The following ATG7 variants were observed in gnomAD, a reference collection of about 807,000 sequenced individuals.
The protein encoded by ATG7 is ubiquitin-like modifier-activating enzyme ATG7.
In ATG7, 70 loss-of-function variants were observed where a neutral mutation model predicts 82.4. The observed-to-expected ratio is 0.85, with a 90% CI of 0.70 to 1.04. The LOEUF (loss-of-function observed/expected upper bound fraction) is 1.04. Ranked by LOEUF, ATG7 falls within the 50% of genes least tolerant of loss-of-function variation. The pLI, the probability that ATG7 is intolerant of heterozygous loss-of-function variation, is 0.00. For missense variants in ATG7, 792 were observed against 864.3 expected, an observed-to-expected ratio of 0.92 and a Z score of 1.05; for synonymous variants, 287 against 313.0, an observed-to-expected ratio of 0.92 and a Z score of 0.88.
At chr3:11,379,429 C>T (rs1367965742) in intron 18 of ATG7, among the ~76,000 whole-genome samples, 1 of 152,118 alleles carries the variant, frequency 6.6e-6, no homozygotes, top group Non-Finnish European at 1.5e-5. Context: ...GCTGTTTCCC[C>T]ATAAATCTGA....
intron 20 of ATG7, among the ~76,000 whole-genome samples, chr3:11,506,942 G>C (rs950847177): frequency 6.6e-6 from 1 of 152,158 alleles, no homozygotes; most frequent in Non-Finnish European, 1.5e-5. Context: ...TCACTTTACA[G>C]AGTGACAAAG....
Position 11,298,995 on chromosome 3 carries a change from A to G in ATG7, c.160+140A>G, listed in dbSNP as rs977748647. ...TCACTAGTTTCTATTTTACTTCCTG[A>G]CTTTTTGATCCCAGTTCATTTTCAT... is the stretch of plus-strand genomic sequence containing the variant. On this transcript the variant is annotated intron_variant, in intron 4 of 20. Coordinates refer to ENST00000693202, the MANE Select transcript of ATG7 (RefSeq NM_001349232.2). 58 of 928,164 alleles carry G rather than the reference A, an allele frequency of 6.2e-5. No homozygotes were observed. The African/African-American group carries it at 8.4e-4, about 13-fold the overall frequency. The allele number at this position is 928,164 out of a possible 1,614,324, so 57.5% of individuals were successfully genotyped here.
chr3:11,506,252 A>G (rs966011012), intron 20 of ATG7, among the ~76,000 whole-genome samples: 17 of 152,210 alleles, frequency 1.1e-4, no homozygotes, highest in Middle Eastern at 3.2e-3. Context: ...TCTCCATGTA[A>G]CAGTCTAGAG....
At chr3:11,523,260 G>A (rs1264232633) in intron 20 of ATG7, among the ~76,000 whole-genome samples, 2 of 152,126 alleles carry the variant, frequency 1.3e-5, no homozygotes, top group African/African-American at 2.4e-5. Context: ...GCGGGGCAGC[G>A]GGGGAGTGCA....
rs528817518 is a variant in ATG7 at position 11,490,046 on chromosome 3, C to T, written c.2079+63120C>T. Among the ~76,000 whole-genome samples, 27 of 151,876 alleles carry T rather than the reference C, an allele frequency of 1.8e-4. No individual in the cohort carries two copies. In the East Asian group the frequency reaches 4.8e-3, roughly 27 times the overall value. On this transcript the variant is annotated intron_variant, in intron 20 of 20. Coordinates refer to ENST00000693202, the MANE Select transcript of ATG7 (RefSeq NM_001349232.2). ...CTGGGTATCCTTGTTAACTTTCTGT[C>T]TCTTTGATCTGTCTAATGTTGACAG...
the ATG7 span, among the ~76,000 whole-genome samples, chr3:11,573,216 GAGAA>G: frequency 6.9e-6 from 1 of 145,766 alleles, no homozygotes; most frequent in African/African-American, 2.6e-5. Flanking sequence ...AAGAGAGAGA[GAGAA>G]AGACAGACAG....
At chr3:11,560,376 T>C (rs2072875052), downstream of ATG7, among the ~76,000 whole-genome samples, 2 of 152,178 alleles carry the variant, frequency 1.3e-5, no homozygotes, top group African/African-American at 2.4e-5. Context: ...TGGTGGAGTA[T>C]GTGGGCTAAG....
At chr3:11,285,913 C>T (rs1373004456) in intron 3 of ATG7, among the ~76,000 whole-genome samples, 2 of 152,202 alleles carry the variant, frequency 1.3e-5, no homozygotes. Context: ...CAGGATCACA[C>T]GTGGTCCCCA....
intron 19 of ATG7, among the ~76,000 whole-genome samples, chr3:11,404,593 C>G (rs977484874): frequency 6.6e-6 from 1 of 151,950 alleles, no homozygotes; most frequent in African/African-American, 2.4e-5. Context: ...GGGCATGTAC[C>G]TAGCCTTGTG....
intron 19 of ATG7, among the ~76,000 whole-genome samples, chr3:11,391,343 C>G (rs956493): frequency 7.2e-4 from 110 of 152,218 alleles, no homozygotes; most frequent in African/African-American, 2.5e-3. Context: ...TAATGTTCCC[C>G]GGAGCATGCA....
At chr3:11,498,683 G>A (rs1295473610) in intron 20 of ATG7, among the ~76,000 whole-genome samples, 4 of 152,216 alleles carry the variant, frequency 2.6e-5, no homozygotes, top group African/African-American at 4.8e-5. Context: ...AGAAGAGGCT[G>A]TGTTAATTCC....
intron 20 of ATG7, among the ~76,000 whole-genome samples, chr3:11,466,538 G>A (rs1378432099): frequency 6.6e-6 from 1 of 152,198 alleles, no homozygotes; most frequent in Non-Finnish European, 1.5e-5. Flanking sequence ...GCAGCATGGT[G>A]TAATGGAAAA....
At chr3:11,440,674 CTTTTTTTTT>C (rs72177700) in intron 20 of ATG7, among the ~76,000 whole-genome samples, 19 of 39,494 alleles carry the variant, frequency 4.8e-4, no homozygotes, top group Non-Finnish European at 5.8e-4. Context: ...TCCCCATTTG[CTTTTTTTTT>C]TTTTTTTTTT....
At position 11,347,789 on chromosome 3, in the gene ATG7, C is replaced by T. The variant is rs1954778374; in HGVS notation, c.1126-88C>T. The T allele has an allele frequency of 2.9e-6, 4 of 1,398,380 alleles. No individual in the cohort carries two copies. In the South Asian group the frequency reaches 5.0e-5, roughly 17 times the overall value. The allele number at this position is 1,398,380 out of a possible 1,614,324, so 86.6% of individuals were successfully genotyped here. On this transcript the variant is annotated intron_variant, in intron 13 of 20. Transcript: ENST00000693202. ...GTGTTTTGAGGTTCCCAAGCTTCTCCAAACCAATATTCTTTTTGAGATTTC... is the reference window on the plus strand; with the variant it reads ...GTGTTTTGAGGTTCCCAAGCTTCTCTAAACCAATATTCTTTTTGAGATTTC...
chr3:11,569,138 G>T, the ATG7 span, among the ~76,000 whole-genome samples: 6 of 152,194 alleles, frequency 3.9e-5, no homozygotes, highest in African/African-American at 1.2e-4. Context: ...GAAGTGCACT[G>T]CGTCTATTTG....
At chr3:11,290,622 T>C in intron 3 of ATG7, 1 of 309,904 alleles carries the variant, frequency 3.2e-6, no homozygotes, top group South Asian at 2.5e-5. Context: ...TATTTTAGGC[T>C]TCAGACGCAC....
At position 11,430,058 on chromosome 3, in the gene ATG7, C is replaced by G. The variant is rs143520419; in HGVS notation, c.2079+3132C>G. On this transcript the variant is annotated intron_variant, in intron 20 of 20. Coordinates refer to ENST00000693202, the MANE Select transcript of ATG7 (RefSeq NM_001349232.2). ...CAAACACTGTTGTTACTTTCCTGCC[C>G]AGAGATATTCTTTAGGTTATATTCT... 4.4e-3 allele frequency among the ~76,000 whole-genome samples: 673 copies of G among 151,986 alleles called. 4 individuals carry two copies. Among genetic ancestry groups the G allele is most frequent in the African/African-American group, 0.015 (641 of 41,434 alleles).
At chr3:11,347,015 A>G (rs1236554892) in intron 13 of ATG7, among the ~76,000 whole-genome samples, 1 of 152,254 alleles carries the variant, frequency 6.6e-6, no homozygotes, top group African/African-American at 2.4e-5. Context: ...CCTTGTAGCC[A>G]GTCATGGCAG....
intron 9 of ATG7, among the ~76,000 whole-genome samples, chr3:11,319,571 T>C (rs1279512154): frequency 1.3e-5 from 2 of 152,210 alleles, no homozygotes; most frequent in African/African-American, 2.4e-5. Flanking sequence ...AATTCAATTT[T>C]CTCTCACCGG....
Sources: allele counts gnomAD v4.1 joint callset (sites outside exome capture counted in the v4.1 genomes callset), GRCh38; gene constraint gnomAD v4.1.1; transcripts MANE v1.5; gene names NCBI Gene and HGNC (gene_info 2026-07-23, HGNC 2026-07-21).